NEURL1B: variants seen among roughly 807,000 people sequenced by gnomAD.
NEURL1B encodes E3 ubiquitin-protein ligase NEURL1B.
Under a neutral mutation model 37.4 loss-of-function variants are expected in NEURL1B, and 13 were observed. The ratio of observed to expected loss-of-function variants is 0.35; its 90% CI spans 0.23 to 0.55. The LOEUF is 0.55. Among genes scored for constraint, NEURL1B ranks in the 20% least tolerant of loss-of-function variants. The pLI, the probability that NEURL1B is intolerant of heterozygous loss-of-function variation, is 0.89. For missense variants in NEURL1B, 790 were observed against 879.2 expected (o/e 0.90, Z 1.28); for synonymous variants, 432 against 426.6 (o/e 1.01, Z -0.16).
rs1758655845 is a variant in NEURL1B, at chr5:172,691,391, C to CTGGGAAGTGGGTTGGGAAGGGTT, written c.*4469_*4491dup. The CTGGGAAGTGGGTTGGGAAGGGTT allele has an allele frequency of 1.3e-5, 2 of 152,078 alleles. No individual in the cohort carries two copies. The highest frequency in any genetic ancestry group is 4.1e-4 in the South Asian group (2 of 4,822). 9.4% of individuals were successfully genotyped at this position (152,078 alleles called of 1,614,324 possible). On this transcript the variant is annotated 3_prime_UTR_variant, in exon 5 of 5. Coordinates refer to ENST00000369800, the MANE Select transcript of NEURL1B (RefSeq NM_001142651.3). ...GGATCTGTAATCAAGGTTTTAAAAC[C>CTGGGAAGTGGGTTGGGAAGGGTT]TGGGAAGTGGGTTGGGAAGGGTTTG...
intron 1 of NEURL1B, among the ~76,000 whole-genome samples, chr5:172,652,697 G>A (rs1757690081): frequency 2.0e-5 from 3 of 152,208 alleles, no homozygotes; most frequent in Admixed American, 1.3e-4. Context: ...AAGAAAGTCA[G>A]GAGGGATAGA....
chr5:172,674,075 G>A (rs1381295857), intron 2 of NEURL1B, among the ~76,000 whole-genome samples: 1 of 152,038 alleles, frequency 6.6e-6, no homozygotes, highest in East Asian at 1.9e-4. Flanking sequence ...AGGAGGCAGA[G>A]GTTGCAGTGA....
intron 1 of NEURL1B, among the ~76,000 whole-genome samples, chr5:172,669,422 C>T (rs780332102): frequency 3.9e-5 from 6 of 152,170 alleles, no homozygotes; most frequent in Non-Finnish European, 7.3e-5. Flanking sequence ...AGAGGTGGCC[C>T]CGCGAGGTCC....
rs1758589355 is a variant in NEURL1B, at chr5:172,689,555, C to CG, written c.*2630_*2631insG. 6.7e-6 allele frequency: 1 copy of CG among 149,770 alleles called. No individual in the cohort carries two copies. Among genetic ancestry groups the CG allele is most frequent in the African/African-American group, 2.5e-5 (1 of 40,388 alleles). 9.3% of individuals were successfully genotyped at this position (149,770 alleles called of 1,614,324 possible). The stretch of plus-strand genomic sequence containing the variant: ...TGTGAAAAAAAAACTGTGCTACTTA[C>CG]AATCTATGAAAGCTGGTGTTATCCC... On this transcript the variant is annotated 3_prime_UTR_variant, in exon 5 of 5. Transcript: ENST00000369800.
At chr5:172,648,415 T>G (rs1256959349) in intron 1 of NEURL1B, among the ~76,000 whole-genome samples, 1 of 152,034 alleles carries the variant, frequency 6.6e-6, no homozygotes, top group Non-Finnish European at 1.5e-5. Flanking sequence ...CTAACTTGTA[T>G]CACGTAGCCC....
Position 172,686,614 on chromosome 5 carries a change from G to A in NEURL1B, c.1424-67G>A, listed in dbSNP as rs147094569. On this transcript the variant is annotated intron_variant, in intron 4 of 4. Transcript: ENST00000369800. This position sits in a 1 kb window ranked among gnomAD's most constrained non-coding sequence, Gnocchi z 7.9. ...CCAGCAAGAAGCCCTGCATTCTCGG[G>A]GTTGCCCCAACAGAGCCCACCTGAG... 253 of 1,493,704 alleles carry A rather than the reference G, an allele frequency of 1.7e-4. 1 individual carries two copies. In the East Asian group the frequency reaches 6.3e-3, roughly 37 times the overall value. 92.5% of individuals were successfully genotyped at this position (1,493,704 alleles called of 1,614,324 possible).
chr5:172,683,690 C>T lies in NEURL1B; in HGVS notation c.849C>T (p.His283=). 7.4e-7 allele frequency: 1 copy of T among 1,346,758 alleles called. No individual in the cohort carries two copies. Among genetic ancestry groups the T allele is most frequent in the Non-Finnish European group, 9.6e-7 (1 of 1,041,186 alleles). 83.4% of individuals were successfully genotyped at this position (1,346,758 alleles called of 1,614,324 possible). The part of the protein sequence containing the change: ...PALLEADLRF[H]ATRGPDVSLS... ...TACTGGAGGCCGACCTGCGCTTCCA[C>T]GCAACACGCGGGCCCGACGTGAGCC... is the stretch of plus-strand genomic sequence containing the variant. Residue 283 remains histidine (H), a synonymous_variant, in exon 3 of 5, where the codon CAC becomes CAT. Transcript: ENST00000369800. The surrounding 1 kb of genome is among the most constrained non-coding windows in gnomAD (Gnocchi z 5.6).
rs907888169 is a variant in NEURL1B, at chr5:172,656,713, T to C, written c.32-13072T>C. On this transcript the variant is annotated intron_variant, in intron 1 of 4. Coordinates refer to ENST00000369800, the MANE Select transcript of NEURL1B (RefSeq NM_001142651.3). The stretch of plus-strand genomic sequence containing the variant: ...TTCTTGCCACCTTCGCGGCCGGACA[T>C]GGCGCCTGCCGCCGCTTCCCCAGAA... 8 of 1,215,838 alleles carry C rather than the reference T, an allele frequency of 6.6e-6. No individual in the cohort carries two copies. The African/African-American group carries it at 7.4e-5, about 11-fold the overall frequency. The allele number at this position is 1,215,838 out of a possible 1,614,324, so 75.3% of individuals were successfully genotyped here. A position where few individuals can be genotyped will look rare whatever the true frequency, so the allele number is the denominator to read the frequency against.
Position 172,670,317 on chromosome 5 carries a change from G to C in NEURL1B, c.564G>C (p.Glu188Asp). ...ALIDVYGITD[E>D]VQLLESAFAD... is the part of the protein sequence containing the mutation. ...TTGATGTCTACGGCATCACCGACGA[G>C]GTGCAGCTTCTGGGTAGGTCGCGGG... Residue 188 changes from glutamate to aspartate, a missense_variant, in exon 2 of 5, where the codon GAG (glutamate) becomes GAC (aspartate). By Grantham distance (45) the Glu-to-Asp change is conservative. Around this residue, in one of 3 missense-constraint regions of NEURL1B, gnomAD observed 215 missense variants for 309.2 expected, o/e 0.70. Coordinates refer to ENST00000369800, the MANE Select transcript of NEURL1B (RefSeq NM_001142651.3). 7.3e-7 allele frequency: 1 copy of C among 1,367,630 alleles called. No individual in the cohort carries two copies. Among genetic ancestry groups the C allele is most frequent in the Admixed American group, 3.8e-5 (1 of 25,990 alleles). 84.7% of individuals were successfully genotyped at this position (1,367,630 alleles called of 1,614,324 possible). A position where few individuals can be genotyped will look rare whatever the true frequency, so the allele number is the denominator to read the frequency against.
Position 172,669,775 on chromosome 5 carries a change from C to T in NEURL1B, c.32-10C>T, listed in dbSNP as rs1186495127. 5 of 1,254,606 alleles carry T rather than the reference C, an allele frequency of 4.0e-6. No individual in the cohort carries two copies. Among genetic ancestry groups the T allele is most frequent in the Non-Finnish European group, 5.0e-6 (5 of 990,802 alleles). The allele number at this position is 1,254,606 out of a possible 1,614,324, so 77.7% of individuals were successfully genotyped here. A position where few individuals can be genotyped will look rare whatever the true frequency, so the allele number is the denominator to read the frequency against. On this transcript the variant is annotated splice_polypyrimidine_tract_variant and intron_variant, in intron 1 of 4. Transcript: ENST00000369800. ...GGAGGCCTAACCGTGCTGCCTGTGT[C>T]TTTCCGCAGACCCGAGCCCACCGGC... is the stretch of plus-strand genomic sequence containing the variant.
intron 1 of NEURL1B, among the ~76,000 whole-genome samples, chr5:172,655,742 T>TC (rs1314136955): frequency 2.0e-5 from 3 of 151,404 alleles, no homozygotes. Context: ...TTTTTTTTTT[T>TC]CCCTCTGCAT....
chr5:172,670,396 T>A, intron 2 of NEURL1B, 66 bp downstream of exon 2: 1 of 1,237,552 alleles, frequency 8.1e-7, no homozygotes, highest in Non-Finnish European at 1.0e-6. Flanking sequence ...GGTGTGTGTT[T>A]CATTAGTAGC....
Position 172,691,534 on chromosome 5 carries a change from A to T in NEURL1B, c.*4609A>T, listed in dbSNP as rs1758660190. The T allele has an allele frequency of 6.6e-6, 1 of 152,194 alleles. No individual in the cohort carries two copies. The highest frequency in any genetic ancestry group is 6.5e-5 in the Admixed American group (1 of 15,284). The allele number at this position is 152,194 out of a possible 1,614,324, so 9.4% of individuals were successfully genotyped here. On this transcript the variant is annotated 3_prime_UTR_variant, in exon 5 of 5. Coordinates refer to ENST00000369800, the MANE Select transcript of NEURL1B (RefSeq NM_001142651.3). The stretch of plus-strand genomic sequence containing the variant: ...AAATACAACTTTGGCTTGTTAAAAA[A>T]AAAAAAGTCTTCAGAACTCAATTTT...
intron 2 of NEURL1B, among the ~76,000 whole-genome samples, chr5:172,679,446 A>G (rs929594789): frequency 4.6e-5 from 7 of 152,228 alleles, no homozygotes; most frequent in African/African-American, 1.2e-4. Flanking sequence ...CAGTCTCGAC[A>G]CGCTCCCTCG....
Position 172,661,840 on chromosome 5 carries a change from G to T in NEURL1B, c.32-7945G>T, listed in dbSNP as rs1020358267. On this transcript the variant is annotated intron_variant, in intron 1 of 4. Coordinates refer to ENST00000369800, the MANE Select transcript of NEURL1B (RefSeq NM_001142651.3). This position sits in a 1 kb window ranked among gnomAD's most constrained non-coding sequence, Gnocchi z 4.0. ...GGGCTCTTTTTAGATCAAAGGAAGG[G>T]CTAGGCTGGAGAGATGAGTGGGGAC... Among the ~76,000 whole-genome samples, 44 of 152,336 alleles carry T rather than the reference G, an allele frequency of 2.9e-4. No homozygotes were observed. The highest frequency in any genetic ancestry group is 9.4e-4 in the African/African-American group (39 of 41,588).
At chr5:172,680,937 A>G (rs984825396) in intron 2 of NEURL1B, among the ~76,000 whole-genome samples, 1 of 152,226 alleles carries the variant, frequency 6.6e-6, no homozygotes, top group Non-Finnish European at 1.5e-5. Flanking sequence ...ATAATTTGTA[A>G]AAGAAAGAGG....
chr5:172,669,694 T>C, intron 1 of NEURL1B, 91 bp from the exon 2 acceptor site: 1 of 1,000,290 alleles, frequency 1.0e-6, no homozygotes, highest in African/African-American at 1.7e-5. Flanking sequence ...TAAAATGGAA[T>C]TTCAAATGAA....
rs985598358 is a variant in NEURL1B, at chr5:172,657,829, A to G, written c.32-11956A>G. Among the ~76,000 whole-genome samples the G allele has an allele frequency of 3.9e-5, 6 of 152,170 alleles. No homozygotes were observed. The highest frequency in any genetic ancestry group is 2.0e-4 in the Admixed American group (3 of 15,282). On this transcript the variant is annotated intron_variant, in intron 1 of 4. Transcript: ENST00000369800. The surrounding 1 kb of genome is among the most constrained non-coding windows in gnomAD (Gnocchi z 4.0). Reference sequence around the variant, plus strand: ...CCCCTCCCTGTGGTGCTGTGCTTCAATGGGCACACTCCTCGTCCACTTTCA... The same window carrying G: ...CCCCTCCCTGTGGTGCTGTGCTTCAGTGGGCACACTCCTCGTCCACTTTCA...
intron 1 of NEURL1B, among the ~76,000 whole-genome samples, chr5:172,668,133 C>T (rs1758050374): frequency 6.6e-6 from 1 of 152,112 alleles, no homozygotes; most frequent in African/African-American, 2.4e-5. Context: ...TAATGTTTCC[C>T]TCCAGGAAGA....
Sources: gnomAD v4.1 joint callset for allele counts (sites outside exome capture counted in the v4.1 genomes callset) on GRCh38, gnomAD v4.1.1 for gene constraint, gnomAD v4.1.1 regional missense constraint, Gnocchi (gnomAD v3.1) non-coding constraint, MANE v1.5 for transcripts, NCBI Gene and HGNC (gene_info 2026-07-23, HGNC 2026-07-21) for gene names.